DOCK8: variants seen among roughly 807,000 people sequenced by gnomAD.
DOCK8 encodes dedicator of cytokinesis 8.
Under a neutral mutation model 245.6 loss-of-function variants are expected in DOCK8, and 141 were observed. That is an observed-to-expected ratio of 0.57 (90% CI 0.50 to 0.66). The LOEUF (loss-of-function observed/expected upper bound fraction) is 0.66. Ranked by LOEUF, DOCK8 falls within the 30% of genes least tolerant of loss-of-function variation. The pLI is 0.00. For synonymous variants in DOCK8, 1,168 were observed against 970.2 expected, an observed-to-expected ratio of 1.20 and a Z score of -3.79; for missense variants, 2,965 against 2,603.4, an observed-to-expected ratio of 1.14 and a Z score of -3.02.
chr9:379,620 A>G, intron 20 of DOCK8, 151 bp from the exon 21 acceptor site: 1 of 789,812 alleles, frequency 1.3e-6, no homozygotes, highest in Non-Finnish European at 2.1e-6. Flanking sequence ...CAGAGCCAGC[A>G]TGCCAGAGCT....
At chr9:451,966 T>TGC in intron 45 of DOCK8, 45 bp from the exon 46 acceptor site, 2 of 383,276 alleles carry the variant, frequency 5.2e-6, no homozygotes, top group African/African-American at 8.6e-5. Context: ...TATATATATA[T>TGC]ATATATATAT....
intron 14 of DOCK8, among the ~76,000 whole-genome samples, chr9:342,458 G>T (rs1266635597): frequency 3.1e-5 from 3 of 96,804 alleles, no homozygotes; most frequent in African/African-American, 7.6e-5. Context: ...GGGTTTTTTT[G>T]GGGTTTTTTT....
At chr9:412,398 C>A (rs2055776885) in intron 28 of DOCK8, among the ~76,000 whole-genome samples, 1 of 124,160 alleles carries the variant, frequency 8.1e-6, no homozygotes, top group African/African-American at 3.3e-5. Flanking sequence ...GAGTAAGACC[C>A]TGTCTCAAAA....
intron 4 of DOCK8, 132 bp downstream of exon 4, chr9:289,713 G>A: frequency 1.4e-6 from 1 of 720,180 alleles, no homozygotes; most frequent in Non-Finnish European, 2.3e-6. Context: ...TCTCATGTAT[G>A]CCTTCCTTAT....
intron 1 of DOCK8, among the ~76,000 whole-genome samples, chr9:252,957 G>A (rs1345113407): frequency 2.0e-5 from 3 of 152,204 alleles, no homozygotes; most frequent in African/African-American, 7.2e-5. Flanking sequence ...GTATCCCAAA[G>A]CACAGAGTGT....
In DOCK8 at chr9:401,042, A is replaced by ACT. The variant is rs1416213741; in HGVS notation, c.3234+1784_3234+1785dup. Among the ~76,000 whole-genome samples, 6 of 113,892 alleles carry ACT rather than the reference A, an allele frequency of 5.3e-5. 2 individuals are homozygous for ACT. The highest frequency in any genetic ancestry group is 9.0e-5 in the Admixed American group (1 of 11,066). The allele number at this position is 113,892 out of a possible 152,430, so 74.7% of individuals were successfully genotyped here. A position where few individuals can be genotyped will look rare whatever the true frequency, so the allele number is the denominator to read the frequency against. On this transcript the variant is annotated intron_variant, in intron 26 of 47. Transcript: ENST00000432829. ...GACCACCTCCTTCACCTCCACCATCACTTCTTCCACCATCATCATTGTCAC... is the reference window on the plus strand; with the variant it reads ...GACCACCTCCTTCACCTCCACCATCACTCTTCTTCCACCATCATCATTGTCAC...
intron 32 of DOCK8, 82 bp downstream of exon 32, chr9:421,160 A>G: frequency 3.2e-6 from 5 of 1,555,392 alleles, no homozygotes; most frequent in Non-Finnish European, 4.4e-6. Context: ...CAACATGATT[A>G]GACACCATTA....
Position 464,631 on chromosome 9 carries a change from C to G in DOCK8, c.*412C>G, listed in dbSNP as rs893228818. 9.3e-5 allele frequency: 23 copies of G among 247,890 alleles called. No individual in the cohort carries two copies. The highest frequency in any genetic ancestry group is 3.2e-5 in the Non-Finnish European group (4 of 124,874). The allele number at this position is 247,890 out of a possible 1,614,324, so 15.4% of individuals were successfully genotyped here. ...TGGAAAAATTATCCACCAGTCGATT[C>G]AAACTGAATTTCACTCTTTATAGGA... is the stretch of plus-strand genomic sequence containing the variant. On this transcript the variant is annotated 3_prime_UTR_variant, in exon 48 of 48. Coordinates refer to ENST00000432829, the MANE Select transcript of DOCK8 (RefSeq NM_203447.4).
At chr9:385,408 T>C (rs2053910867) in intron 22 of DOCK8, among the ~76,000 whole-genome samples, 1 of 152,210 alleles carries the variant, frequency 6.6e-6, no homozygotes, top group African/African-American at 2.4e-5. Flanking sequence ...TCTCTGTAAA[T>C]CTAATAATAA....
intron 14 of DOCK8, among the ~76,000 whole-genome samples, chr9:343,240 T>A (rs1341860132): frequency 1.3e-5 from 2 of 152,316 alleles, no homozygotes; most frequent in East Asian, 3.9e-4. Context: ...TGGCTCACAC[T>A]GTAACCCCGC....
upstream of DOCK8, chr9:213,407 C>T (rs569968972): frequency 2.0e-5 from 3 of 152,162 alleles, no homozygotes; most frequent in South Asian, 4.2e-4. Flanking sequence ...ATGAGGCTCA[C>T]AAATGTGAGC....
At chr9:403,899 T>TATATATATATATATAC (rs2055244263) in intron 26 of DOCK8, among the ~76,000 whole-genome samples, 1 of 74,334 alleles carries the variant, frequency 1.3e-5, no homozygotes, top group Non-Finnish European at 2.2e-5. Context: ...TCTCTATATA[T>TATATATATATATATAC]ATATATATAT....
intron 2 of DOCK8, among the ~76,000 whole-genome samples, chr9:276,695 T>C (rs564958186): frequency 1.3e-5 from 2 of 152,238 alleles, no homozygotes; most frequent in Non-Finnish European, 2.9e-5. Flanking sequence ...TTGCCACAGC[T>C]GTGTGAATAG....
chr9:281,914 A>C (rs868176847), intron 2 of DOCK8, among the ~76,000 whole-genome samples: 2 of 152,166 alleles, frequency 1.3e-5, no homozygotes, highest in Non-Finnish European at 1.5e-5. Flanking sequence ...CGAACTATTC[A>C]ATGTCAGCTT....
intron 14 of DOCK8, among the ~76,000 whole-genome samples, chr9:344,549 GCCTTGGGTGACCTCA>G (rs2051777192): frequency 6.6e-6 from 1 of 151,932 alleles, no homozygotes; most frequent in Non-Finnish European, 1.5e-5. Flanking sequence ...GACTAAGTTC[GCCTTGGGTGACCTCA>G]CCTTTTCATT....
chr9:441,205 G>C (rs2131808834), intron 40 of DOCK8, 81 bp from the exon 41 acceptor site: 2 of 1,583,128 alleles, frequency 1.3e-6, no homozygotes, highest in Non-Finnish European at 8.7e-7. Context: ...CCAGCACATT[G>C]TTTGGACAAT....
At chr9:424,008 C>T (rs753134507) in intron 33 of DOCK8, among the ~76,000 whole-genome samples, 6 of 151,680 alleles carry the variant, frequency 4.0e-5, no homozygotes, top group South Asian at 2.1e-4. Context: ...ACCTGGTGGG[C>T]TGCTGGTTGT....
intron 43 of DOCK8, among the ~76,000 whole-genome samples, chr9:445,080 G>T (rs1246484825): frequency 3.9e-5 from 6 of 152,210 alleles, no homozygotes; most frequent in Non-Finnish European, 8.8e-5. Flanking sequence ...TCTCACTTAA[G>T]ACACATTCCC....
At chr9:214,392 G>A (rs1404071528), upstream of DOCK8, 2 of 864,420 alleles carry the variant, frequency 2.3e-6, no homozygotes, top group East Asian at 2.7e-5. Context: ...CAGGAAGGAT[G>A]ATGGGCATAT....
Sources: gnomAD v4.1 joint callset for allele counts (sites outside exome capture counted in the v4.1 genomes callset) on GRCh38, gnomAD v4.1.1 for gene constraint, MANE v1.5 for transcripts, NCBI Gene and HGNC (gene_info 2026-07-23, HGNC 2026-07-21) for gene names.